The following GSTCD variants were observed in gnomAD, a reference collection of about 807,000 sequenced individuals.
GSTCD encodes the protein glutathione S-transferase C-terminal domain-containing protein.
In GSTCD, 44 loss-of-function variants were observed where a neutral mutation model predicts 68.3. The ratio of observed to expected loss-of-function variants is 0.64; its 90% CI spans 0.51 to 0.83. The LOEUF is 0.83. Ranked by LOEUF, GSTCD falls within the 40% of genes least tolerant of loss-of-function variation. The pLI, the probability that GSTCD is intolerant of heterozygous loss-of-function variation, is 0.00. For synonymous variants in GSTCD, 273 were observed against 255.2 expected (o/e 1.07, Z -0.67); for missense variants, 739 against 735.9 (o/e 1.00, Z -0.05).
At chr4:105,756,826 G>T (rs1411085283) in intron 5 of GSTCD, among the ~76,000 whole-genome samples, 1 of 152,086 alleles carries the variant, frequency 6.6e-6, no homozygotes, top group Non-Finnish European at 1.5e-5. Context: ...GGTACCTCGT[G>T]AGAGTAAGTT....
At chr4:105,719,705 A>C in intron 3 of GSTCD, 178 bp downstream of exon 3, 1 of 573,560 alleles carries the variant, frequency 1.7e-6, no homozygotes, top group Non-Finnish European at 3.1e-6. Flanking sequence ...AAAAGGAAAA[A>C]TGTAAGGAAC....
chr4:105,717,785 A>G lies in GSTCD; in HGVS notation c.172A>G (p.Arg58Gly). 1.2e-6 allele frequency: 2 copies of G among 1,614,022 alleles called. No homozygotes were observed. The highest frequency in any genetic ancestry group is 1.7e-6 in the Non-Finnish European group (2 of 1,179,898). The change falls in exon 2 of 12, where the codon AGA (arginine) becomes GGA (glycine). Residue 58 changes from arginine to glycine, a missense_variant. Coordinates refer to ENST00000515279, the MANE Select transcript of GSTCD (RefSeq NM_001370181.1). ...ICLVVTKEVS[R>G]DSSLLRDDLI... The stretch of plus-strand genomic sequence containing the variant: ...CTTAGTTGTCACCAAAGAGGTGAGT[A>G]GAGATAGTTCACTACTAAGAGATGA...
At chr4:105,727,379 C>A (rs1733076329) in intron 4 of GSTCD, among the ~76,000 whole-genome samples, 3 of 151,818 alleles carry the variant, frequency 2.0e-5, no homozygotes, top group South Asian at 4.2e-4. Context: ...CAAAAATTAG[C>A]TGGGTGTGGT....
chr4:105,755,132 C>T (rs887487781), intron 5 of GSTCD, among the ~76,000 whole-genome samples: 1 of 147,568 alleles, frequency 6.8e-6, no homozygotes, highest in Non-Finnish European at 1.5e-5. Flanking sequence ...CCTGTAGTTC[C>T]TGCTACTAGG....
At chr4:105,770,854 C>A (rs1734816919) in intron 5 of GSTCD, among the ~76,000 whole-genome samples, 2 of 152,186 alleles carry the variant, frequency 1.3e-5, no homozygotes, top group South Asian at 4.1e-4. Flanking sequence ...GTCTTTACAG[C>A]AGAATGATTT....
At chr4:105,729,521 A>C (rs1258512255) in intron 5 of GSTCD, 22 bp downstream of exon 5, 1 of 1,498,132 alleles carries the variant, frequency 6.7e-7, no homozygotes, top group African/African-American at 1.4e-5. Context: ...TTTTTCTTTA[A>C]GTTTTATTCA....
intron 5 of GSTCD, among the ~76,000 whole-genome samples, chr4:105,792,476 G>A (rs1368266005): frequency 1.3e-5 from 2 of 152,018 alleles, no homozygotes; most frequent in Non-Finnish European, 2.9e-5. Context: ...GGCACTATTA[G>A]CAGATCAGGG....
chr4:105,847,391 G>C lies in GSTCD; in HGVS notation c.*1814G>C, dbSNP rs987206733. ...TTAGCCCTGAGTATTTTAGTCATTT[G>C]TGCCTATAGAAAACAACATGCTCTT... is the stretch of plus-strand genomic sequence containing the variant. On this transcript the variant is annotated 3_prime_UTR_variant, in exon 12 of 12. Coordinates refer to ENST00000515279, the MANE Select transcript of GSTCD (RefSeq NM_001370181.1). The C allele has an allele frequency of 7.2e-5, 11 of 152,086 alleles. No homozygotes were observed. Among genetic ancestry groups the C allele is most frequent in the Non-Finnish European group, 1.6e-4 (11 of 67,988 alleles). The allele number at this position is 152,086 out of a possible 1,614,324, so 9.4% of individuals were successfully genotyped here. A position where few individuals can be genotyped will look rare whatever the true frequency, so the allele number is the denominator to read the frequency against.
At chr4:105,798,085 A>T (rs1158257385) in intron 5 of GSTCD, among the ~76,000 whole-genome samples, 2 of 152,100 alleles carry the variant, frequency 1.3e-5, no homozygotes, top group South Asian at 4.1e-4. Context: ...TTGTCATTTC[A>T]ACAATATTTT....
chr4:105,829,994 G>A (rs1285358522), intron 8 of GSTCD, among the ~76,000 whole-genome samples: 1 of 151,614 alleles, frequency 6.6e-6, no homozygotes, highest in African/African-American at 2.4e-5. Context: ...AAATGAAACT[G>A]GAAAGAAGCA....
At chr4:105,774,924 C>A (rs1439701568) in intron 5 of GSTCD, among the ~76,000 whole-genome samples, 1 of 152,108 alleles carries the variant, frequency 6.6e-6, no homozygotes, top group Non-Finnish European at 1.5e-5. Flanking sequence ...TGGGGTAGTT[C>A]TCCTGGATAA....
chr4:105,817,478 G>T (rs1723055679), intron 5 of GSTCD, among the ~76,000 whole-genome samples: 1 of 151,796 alleles, frequency 6.6e-6, no homozygotes, highest in African/African-American at 2.4e-5. Context: ...TGAACTGTGG[G>T]GTTTGTGAAT....
At chr4:105,833,490 T>C (rs1271390203) in intron 8 of GSTCD, among the ~76,000 whole-genome samples, 3 of 152,112 alleles carry the variant, frequency 2.0e-5, no homozygotes, top group Non-Finnish European at 4.4e-5. Flanking sequence ...TTCTAAAATT[T>C]ACAGAAAATC....
chr4:105,783,068 T>C (rs1735341170), intron 5 of GSTCD, among the ~76,000 whole-genome samples: 1 of 152,202 alleles, frequency 6.6e-6, no homozygotes, highest in Non-Finnish European at 1.5e-5. Flanking sequence ...CTGTCTGAGA[T>C]GGACAATTTG....
At chr4:105,771,102 T>C (rs1309400829) in intron 5 of GSTCD, among the ~76,000 whole-genome samples, 3 of 152,192 alleles carry the variant, frequency 2.0e-5, no homozygotes, top group Admixed American at 1.3e-4. Context: ...TGGTTTTGAT[T>C]TGAATTTCTC....
Position 105,732,345 on chromosome 4 carries a change from A to C in GSTCD, c.1240+2846A>C, listed in dbSNP as rs544643797. Among the ~76,000 whole-genome samples the C allele has an allele frequency of 4.6e-5, 7 of 152,320 alleles. No homozygotes were observed. In the South Asian group the frequency reaches 1.5e-3, roughly 32 times the overall value. On this transcript the variant is annotated intron_variant, in intron 5 of 11. Transcript: ENST00000515279. ...CTGGACTTTTTTTGGTTGGTAGGCT[A>C]TTAATTATTGCCTCAATTTCAGAGC...
intron 5 of GSTCD, among the ~76,000 whole-genome samples, chr4:105,739,488 T>C (rs1352155143): frequency 6.6e-6 from 1 of 152,220 alleles, no homozygotes; most frequent in African/African-American, 2.4e-5. Flanking sequence ...CATCAGGTCC[T>C]AAGCTTTTCT....
chr4:105,768,777 G>T (rs1734718721), intron 5 of GSTCD, among the ~76,000 whole-genome samples: 1 of 151,442 alleles, frequency 6.6e-6, no homozygotes, highest in Non-Finnish European at 1.5e-5. Flanking sequence ...CTGTCATAAG[G>T]TGTTATTTAT....
chr4:105,729,450 T>G lies in GSTCD; in HGVS notation c.1191T>G (p.Thr397=), dbSNP rs754689786. 25 of 1,612,268 alleles carry G rather than the reference T, an allele frequency of 1.6e-5. No homozygotes were observed. In the Middle Eastern group the frequency reaches 1.6e-3, roughly 106 times the overall value. ...EVMFSPHPCP[T]WTLDWNVLPA... The stretch of plus-strand genomic sequence containing the variant: ...TGTTTTCTCCCCACCCTTGCCCTAC[T>G]TGGACTCTTGATTGGAATGTTCTCC... The change falls in exon 5 of 12, where the codon ACT becomes ACG. Residue 397 remains threonine, a synonymous_variant. Coordinates refer to ENST00000515279, the MANE Select transcript of GSTCD (RefSeq NM_001370181.1).
Sources: allele counts gnomAD v4.1 joint callset (sites outside exome capture counted in the v4.1 genomes callset), GRCh38; gene constraint gnomAD v4.1.1; transcripts MANE v1.5; gene names NCBI Gene and HGNC (gene_info 2026-07-23, HGNC 2026-07-21).